The following HOMER1 variants were observed in gnomAD, a reference collection of about 807,000 sequenced individuals.
HOMER1 encodes homer protein homolog 1.
A neutral mutation model predicts 48.9 loss-of-function variants in HOMER1; 3 were observed. That is an observed-to-expected ratio of 0.06 (90% CI 0.03 to 0.16). The LOEUF is 0.16. Ranked by LOEUF, HOMER1 falls within the 10% of genes least tolerant of loss-of-function variation. HOMER1 has a pLI of 1.00. For missense variants in HOMER1, 247 were observed against 411.4 expected (o/e 0.60, Z 3.46); for synonymous variants, 134 against 146.4 (o/e 0.92, Z 0.61).
chr5:79,498,416 T>TTTCCAAAC (rs1323328069), intron 1 of HOMER1, among the ~76,000 whole-genome samples: 1 of 152,142 alleles, frequency 6.6e-6, no homozygotes, highest in Non-Finnish European at 1.5e-5. Context: ...AGTTAAAGCA[T>TTTCCAAAC]TTCCAAACTG....
At chr5:79,438,933 A>G in intron 5 of HOMER1, 77 bp downstream of exon 5, 1 of 1,307,706 alleles carries the variant, frequency 7.6e-7, no homozygotes, top group South Asian at 1.3e-5. Flanking sequence ...AAAGCTTGTA[A>G]CTACAAGGGT....
chr5:79,410,507 A>G (rs2112232903), intron 5 of HOMER1, among the ~76,000 whole-genome samples: 1 of 145,174 alleles, frequency 6.9e-6, no homozygotes, highest in East Asian at 2.0e-4. Flanking sequence ...AAAAAAAAAA[A>G]GAAAAAAGAA....
chr5:79,494,070 C>T (rs528585382), intron 1 of HOMER1, among the ~76,000 whole-genome samples: 169 of 152,322 alleles, frequency 1.1e-3, no homozygotes, highest in African/African-American at 3.8e-3. Context: ...TTTCTTGAAA[C>T]TCACTCCCTT....
rs142663024 is a variant in HOMER1 at position 79,420,970 on chromosome 5, CTAGT to C, written c.527+18036_527+18039del. Reference sequence around the variant, plus strand: ...ATGGTGATTTTAGATGCATAACTTGCTAGTTAAATGATTTCTAATTCATATGATT... The same window carrying C: ...ATGGTGATTTTAGATGCATAACTTGCTAAATGATTTCTAATTCATATGATT... On this transcript the variant is annotated intron_variant, in intron 5 of 8. Coordinates refer to ENST00000334082, the MANE Select transcript of HOMER1 (RefSeq NM_004272.5). Among the ~76,000 whole-genome samples the C allele has an allele frequency of 5.5e-4, 83 of 152,234 alleles. No homozygotes were observed. In the South Asian group the frequency reaches 0.011, roughly 20 times the overall value.
At chr5:79,457,868 G>T (rs1291252774) in intron 1 of HOMER1, among the ~76,000 whole-genome samples, 1 of 152,126 alleles carries the variant, frequency 6.6e-6, no homozygotes, top group Non-Finnish European at 1.5e-5. Context: ...TAAAATACAA[G>T]TATCTTATAT....
chr5:79,499,525 C>CTTAT (rs70975756), intron 1 of HOMER1, among the ~76,000 whole-genome samples: 1 of 150,888 alleles, frequency 6.6e-6, no homozygotes, highest in Non-Finnish European at 1.5e-5. Context: ...TTTGAAAAAA[C>CTTAT]AGGTTAACTG....
At chr5:79,440,151 AT>A (rs1750701839) in intron 4 of HOMER1, among the ~76,000 whole-genome samples, 1 of 152,164 alleles carries the variant, frequency 6.6e-6, no homozygotes, top group Non-Finnish European at 1.5e-5. Context: ...AAAATACAAG[AT>A]TTCCTCTAAT....
intron 1 of HOMER1, among the ~76,000 whole-genome samples, chr5:79,463,035 G>A (rs1229259866): frequency 6.6e-6 from 1 of 152,196 alleles, no homozygotes; most frequent in Admixed American, 6.5e-5. Context: ...CCAAAAGAAA[G>A]TAGCCTGAAA....
intron 6 of HOMER1, among the ~76,000 whole-genome samples, chr5:79,399,611 A>G (rs544320945): frequency 6.6e-6 from 1 of 152,320 alleles, no homozygotes; most frequent in African/African-American, 2.4e-5. Context: ...GCATAAGTAC[A>G]CAACTCCACA....
At chr5:79,498,950 C>T (rs1752498224) in intron 1 of HOMER1, among the ~76,000 whole-genome samples, 1 of 151,892 alleles carries the variant, frequency 6.6e-6, no homozygotes, top group South Asian at 2.1e-4. Flanking sequence ...TTTCTCCTGC[C>T]TCAGCCTCCC....
chr5:79,507,711 GA>G (rs139514104), intron 1 of HOMER1, among the ~76,000 whole-genome samples: 62,674 of 145,776 alleles, frequency 0.43, 15,386 homozygotes, highest in African/African-American at 0.7. Flanking sequence ...ACTAAAGACT[GA>G]AAAAAAAAAA....
In HOMER1 at chr5:79,411,805, C is replaced by G. The variant is rs114141099; in HGVS notation, c.528-9750G>C. Among the ~76,000 whole-genome samples, 237 of 152,226 alleles carry G rather than the reference C, an allele frequency of 1.6e-3. 1 individual carries two copies. The Middle Eastern group carries it at 0.034, about 22-fold the overall frequency. ...TAGAACTGAGAAAAATATTCCGATA[C>G]TCTTTCAAAAAACAATTTAAAAACA... On this transcript the variant is annotated intron_variant, in intron 5 of 8. Transcript: ENST00000334082.
chr5:79,409,428 C>CAAAAAA (rs34814720), intron 5 of HOMER1, among the ~76,000 whole-genome samples: 2 of 119,724 alleles, frequency 1.7e-5, no homozygotes, highest in Non-Finnish European at 1.8e-5. Context: ...CAAGACGTCT[C>CAAAAAA]AAAAAAAAAA....
At chr5:79,475,300 T>C (rs1173910996) in intron 1 of HOMER1, among the ~76,000 whole-genome samples, 1 of 103,004 alleles carries the variant, frequency 9.7e-6, no homozygotes, top group African/African-American at 3.7e-5. Context: ...ATCTTTATCT[T>C]ATACTGAGTC....
chr5:79,379,421 A>G (rs556597036), intron 8 of HOMER1, among the ~76,000 whole-genome samples: 2 of 115,936 alleles, frequency 1.7e-5, no homozygotes, highest in South Asian at 4.7e-4. Context: ...TATATATTTT[A>G]TATATTATAT....
At chr5:79,451,167 CAG>C in intron 2 of HOMER1, 46 bp from the exon 3 acceptor site, 3 of 1,598,696 alleles carry the variant, frequency 1.9e-6, no homozygotes, top group Non-Finnish European at 1.7e-6. Context: ...AATCAGCAAA[CAG>C]GCATTTAAAT....
At chr5:79,453,420 A>G (rs1172302170) in intron 2 of HOMER1, among the ~76,000 whole-genome samples, 2 of 152,256 alleles carry the variant, frequency 1.3e-5, no homozygotes, top group Non-Finnish European at 2.9e-5. Context: ...TTCCGCTTTT[A>G]TGAGTTTTAT....
intron 3 of HOMER1, among the ~76,000 whole-genome samples, chr5:79,448,178 G>C (rs1340744386): frequency 6.6e-6 from 1 of 152,120 alleles, no homozygotes; most frequent in African/African-American, 2.4e-5. Flanking sequence ...AAGTGAATTT[G>C]TGCTACTATA....
intron 1 of HOMER1, among the ~76,000 whole-genome samples, chr5:79,498,544 C>T (rs78653954): frequency 0.021 from 3,153 of 152,276 alleles, 135 homozygotes; most frequent in East Asian, 0.2. Context: ...TAAGAATACA[C>T]TGGATATGAA....
Sources: allele counts gnomAD v4.1 joint callset (sites outside exome capture counted in the v4.1 genomes callset), GRCh38; gene constraint gnomAD v4.1.1; transcripts MANE v1.5; gene names NCBI Gene and HGNC (gene_info 2026-07-23, HGNC 2026-07-21).